Variants in CCDC3 observed in about 807,000 individuals in gnomAD.
The protein encoded by CCDC3 is coiled-coil domain-containing protein 3.
In CCDC3, 24 loss-of-function variants were observed where a neutral mutation model predicts 21.4. The ratio of observed to expected loss-of-function variants is 1.12; its 90% CI spans 0.81 to 1.58. The LOEUF is 1.58. Ranked by LOEUF, CCDC3 falls within the 40% of genes most tolerant of loss-of-function variation. The probability of loss-of-function intolerance (pLI) is 0.00; values close to 1 mark genes in which losing one functional copy is unlikely to be tolerated. For missense variants in CCDC3, 425 were observed against 360.9 expected, an observed-to-expected ratio of 1.18 and a Z score of -1.44; for synonymous variants, 186 against 166.0, an observed-to-expected ratio of 1.12 and a Z score of -0.93.
chr10:12,944,676 C>T (rs1423282973), intron 2 of CCDC3, among the ~76,000 whole-genome samples: 1 of 152,178 alleles, frequency 6.6e-6, no homozygotes, highest in African/African-American at 2.4e-5. Flanking sequence ...TGAAACCTGT[C>T]TCAGACACTT....
chr10:12,899,401 C>A (rs368407460), intron 2 of CCDC3, among the ~76,000 whole-genome samples: 3 of 152,214 alleles, frequency 2.0e-5, no homozygotes, highest in African/African-American at 7.2e-5. Context: ...TCTATAAAGA[C>A]CAATCTGGCT....
At chr10:13,083,000 C>A (rs905229832) in intron 3 of CCDC3, among the ~76,000 whole-genome samples, 1 of 152,130 alleles carries the variant, frequency 6.6e-6, no homozygotes, top group Non-Finnish European at 1.5e-5. Flanking sequence ...CTTGCCTCAG[C>A]ACCTGGATGG....
rs541075277 is a variant in CCDC3 at position 12,900,584 on chromosome 10, G to A, written c.550-1905C>T. Among the ~76,000 whole-genome samples the A allele has an allele frequency of 2.7e-5, 4 of 149,230 alleles. No individual in the cohort carries two copies. In the South Asian group the frequency reaches 6.4e-4, roughly 24 times the overall value. ...CGGGTGCCTGTAGTCCCAGCTACTC[G>A]GGAGGCTGAGGCAGGAGAATGGCGT... On this transcript the variant is annotated intron_variant, in intron 2 of 2. Coordinates refer to ENST00000378825, the MANE Select transcript of CCDC3 (RefSeq NM_031455.4).
At chr10:13,059,414 A>G (rs1836725614) in intron 4 of CCDC3, among the ~76,000 whole-genome samples, 2 of 152,228 alleles carry the variant, frequency 1.3e-5, no homozygotes, top group Non-Finnish European at 2.9e-5. Flanking sequence ...TACAGCAACA[A>G]TATTGAGTGA....
intron 5 of CCDC3, among the ~76,000 whole-genome samples, chr10:13,024,782 A>AGTTTATTAG (rs1315218530): frequency 1.3e-5 from 2 of 152,146 alleles, no homozygotes; most frequent in Non-Finnish European, 2.9e-5. Flanking sequence ...CAGGTCCACA[A>AGTTTATTAG]GTTTATTAGG....
chr10:13,074,979 C>G (rs983629700), intron 3 of CCDC3, among the ~76,000 whole-genome samples: 2 of 152,186 alleles, frequency 1.3e-5, no homozygotes, highest in Non-Finnish European at 2.9e-5. Flanking sequence ...GGACCCGGTA[C>G]ATCCCAGCCG....
chr10:12,980,744 GC>G (rs1353513868), intron 2 of CCDC3, among the ~76,000 whole-genome samples: 6 of 151,774 alleles, frequency 4.0e-5, no homozygotes, highest in Non-Finnish European at 5.9e-5. Context: ...ATTCTTCTTT[GC>G]CTAGACCCTG....
At chr10:12,930,071 T>G (rs369907986) in intron 2 of CCDC3, among the ~76,000 whole-genome samples, 25 of 152,324 alleles carry the variant, frequency 1.6e-4, no homozygotes, top group African/African-American at 6.0e-4. Context: ...GAAATGCTAG[T>G]TGGGGATTTC....
At chr10:13,047,366 G>A (rs540222828) in intron 5 of CCDC3, among the ~76,000 whole-genome samples, 7 of 152,176 alleles carry the variant, frequency 4.6e-5, no homozygotes, top group Non-Finnish European at 7.4e-5. Flanking sequence ...TGACATCTCC[G>A]GGTGGCTCTC....
chr10:12,963,419 A>C (rs939055107), intron 2 of CCDC3, among the ~76,000 whole-genome samples: 4 of 152,204 alleles, frequency 2.6e-5, no homozygotes, highest in Non-Finnish European at 5.9e-5. Context: ...ATACACACAT[A>C]GCACTTCCCA....
At chr10:12,936,167 T>G (rs984265746) in intron 2 of CCDC3, among the ~76,000 whole-genome samples, 7 of 152,250 alleles carry the variant, frequency 4.6e-5, no homozygotes, top group Admixed American at 2.0e-4. Context: ...GGTCCGACGG[T>G]AATCTCAGTT....
At chr10:13,037,039 C>A (rs984474565) in intron 5 of CCDC3, among the ~76,000 whole-genome samples, 6 of 152,114 alleles carry the variant, frequency 3.9e-5, no homozygotes, top group Admixed American at 6.5e-5. Context: ...CCTGCCTCAG[C>A]CTCCCAAAGT....
chr10:12,985,907 G>A (rs967354941), intron 2 of CCDC3, among the ~76,000 whole-genome samples: 1 of 152,162 alleles, frequency 6.6e-6, no homozygotes, highest in East Asian at 1.9e-4. Context: ...ACGGAGTTTT[G>A]CTCTGTCGCC....
At chr10:12,941,576 A>G (rs10906260) in intron 2 of CCDC3, among the ~76,000 whole-genome samples, 85,470 of 151,912 alleles carry the variant, frequency 0.56, 24,315 homozygotes, top group South Asian at 0.68. Flanking sequence ...CTGGGAGAGG[A>G]TTCATCACCA....
chr10:13,092,307 A>G (rs1167514437), intron 3 of CCDC3, among the ~76,000 whole-genome samples: 1 of 152,232 alleles, frequency 6.6e-6, no homozygotes, highest in East Asian at 1.9e-4. Flanking sequence ...AATAAGACAC[A>G]GTGAATGGGA....
intron 5 of CCDC3, among the ~76,000 whole-genome samples, chr10:13,025,496 T>G (rs1029649785): frequency 5.3e-5 from 8 of 152,202 alleles, no homozygotes. Flanking sequence ...CAGCCTTCAT[T>G]TGGTTGAACA....
chr10:12,942,249 T>C (rs541810042), intron 2 of CCDC3, among the ~76,000 whole-genome samples: 1 of 152,358 alleles, frequency 6.6e-6, no homozygotes, highest in Admixed American at 6.5e-5. Flanking sequence ...TCTTAACTTC[T>C]TCCATCTGCC....
At chr10:13,090,735 G>A (rs940254414) in intron 3 of CCDC3, among the ~76,000 whole-genome samples, 3 of 152,212 alleles carry the variant, frequency 2.0e-5, no homozygotes, top group African/African-American at 7.2e-5. Context: ...GTATTAGGAG[G>A]TGTTATTAGT....
chr10:13,092,877 G>A (rs1832588132), intron 3 of CCDC3, among the ~76,000 whole-genome samples: 1 of 152,148 alleles, frequency 6.6e-6, no homozygotes, highest in Non-Finnish European at 1.5e-5. Flanking sequence ...CCTATAACAG[G>A]GGAGCAGGAA....
Sources: gnomAD v4.1 joint callset for allele counts (sites outside exome capture counted in the v4.1 genomes callset) on GRCh38, gnomAD v4.1.1 for gene constraint, MANE v1.5 for transcripts, NCBI Gene and HGNC (gene_info 2026-07-23, HGNC 2026-07-21) for gene names.